Variants in ZNF487 observed in about 807,000 individuals in gnomAD.
ZNF487 encodes zinc finger protein 487, also known as KRAB domain only 1.
Under a neutral mutation model 3.0 loss-of-function variants are expected in ZNF487, and 4 were observed. That is an observed-to-expected ratio of 1.35 (90% CI 0.66 to 3.08). The LOEUF is 3.08. ZNF487 is among the 30% of genes most tolerant of loss of function. The pLI is 0.01. For synonymous variants in ZNF487, 55 were observed against 34.6 expected (o/e 1.59, Z -2.06); for missense variants, 146 against 98.7 (o/e 1.48, Z -2.03).
chr10:43,520,696 A>AT, the ZNF487 span, among the ~76,000 whole-genome samples: 2 of 152,180 alleles, frequency 1.3e-5, no homozygotes, highest in Non-Finnish European at 2.9e-5. Context: ...ATTTATGAAG[A>AT]TTTTTTGGGA....
At chr10:43,459,397 T>A (rs1449029748) in intron 1 of ZNF487, among the ~76,000 whole-genome samples, 5 of 151,988 alleles carry the variant, frequency 3.3e-5, no homozygotes, top group Non-Finnish European at 7.4e-5. Flanking sequence ...ACCTGGCTAG[T>A]TTTTGTACTT....
At chr10:43,519,059 A>G in the ZNF487 span, among the ~76,000 whole-genome samples, 1 of 152,008 alleles carries the variant, frequency 6.6e-6, no homozygotes, top group African/African-American at 2.4e-5. Flanking sequence ...CAAAAATGAA[A>G]CCACTTTAAA....
intron 1 of ZNF487, among the ~76,000 whole-genome samples, chr10:43,442,270 A>ACAACAAC (rs35992450): frequency 3.4e-5 from 5 of 148,632 alleles, no homozygotes; most frequent in African/African-American, 1.0e-4. Context: ...AACAACAACA[A>ACAACAAC]AAAAAAAACA....
chr10:43,439,205 G>GCA (rs1839488126), intron 1 of ZNF487, among the ~76,000 whole-genome samples: 1 of 151,684 alleles, frequency 6.6e-6, no homozygotes, highest in South Asian at 2.1e-4. Context: ...TCACGCCACT[G>GCA]CACTCCAGCC....
intron 3 of ZNF487, among the ~76,000 whole-genome samples, chr10:43,479,019 CAA>C (rs1841206443): frequency 7.2e-6 from 1 of 139,204 alleles, no homozygotes; most frequent in Admixed American, 7.2e-5. Flanking sequence ...CTTAGATAAA[CAA>C]AGAGAAAATT....
intron 1 of ZNF487, among the ~76,000 whole-genome samples, chr10:43,440,691 AC>A (rs1839568512): frequency 2.0e-5 from 3 of 151,402 alleles, no homozygotes; most frequent in Non-Finnish European, 2.9e-5. Flanking sequence ...ACAGAAGACT[AC>A]CCTCATATTT....
chr10:43,511,174 C>T, the ZNF487 span, among the ~76,000 whole-genome samples: 1 of 152,158 alleles, frequency 6.6e-6, no homozygotes, highest in Non-Finnish European at 1.5e-5. Context: ...AGAACTTTGC[C>T]CCAGCCTTGC....
the ZNF487 span, among the ~76,000 whole-genome samples, chr10:43,507,349 G>T: frequency 6.6e-6 from 1 of 152,158 alleles, no homozygotes; most frequent in Non-Finnish European, 1.5e-5. Flanking sequence ...AAGGAAGAAA[G>T]AAGACCACTA....
At chr10:43,477,314 C>T (rs1000545827) in intron 3 of ZNF487, among the ~76,000 whole-genome samples, 1 of 151,678 alleles carries the variant, frequency 6.6e-6, no homozygotes, top group Non-Finnish European at 1.5e-5. Flanking sequence ...CATACCTCAG[C>T]CTCCCTAGTA....
the ZNF487 span, among the ~76,000 whole-genome samples, chr10:43,515,102 A>G: frequency 6.6e-6 from 1 of 152,236 alleles, no homozygotes; most frequent in African/African-American, 2.4e-5. Context: ...ACTCAAATCA[A>G]TAAATTCAGC....
rs750383344 is a variant in ZNF487, at chr10:43,482,958, C to T, written c.*1036C>T. On this transcript the variant is annotated 3_prime_UTR_variant, in exon 4 of 4. Transcript: ENST00000437590. ...GAAAACCTTCTACCAGAAGTCATCC[C>T]TCACAACACATCAGAGAACACACAC... 1.9e-6 allele frequency: 1 copy of T among 524,734 alleles called. No homozygotes were observed. The highest frequency in any genetic ancestry group is 2.0e-5 in the Admixed American group (1 of 50,118). 32.5% of individuals were successfully genotyped at this position (524,734 alleles called of 1,614,324 possible).
At chr10:43,491,419 C>T in the ZNF487 span, among the ~76,000 whole-genome samples, 3 of 151,718 alleles carry the variant, frequency 2.0e-5, no homozygotes, top group African/African-American at 7.3e-5. Flanking sequence ...TTTTGCCTTT[C>T]CTTGGGAGCC....
At chr10:43,493,891 C>T in the ZNF487 span, among the ~76,000 whole-genome samples, 4 of 150,906 alleles carry the variant, frequency 2.7e-5, no homozygotes, top group South Asian at 2.1e-4. Flanking sequence ...ATAGGCCAGG[C>T]GCGTTGGCTC....
At chr10:43,457,210 C>T (rs1840238182) in intron 1 of ZNF487, among the ~76,000 whole-genome samples, 1 of 151,960 alleles carries the variant, frequency 6.6e-6, no homozygotes, top group Non-Finnish European at 1.5e-5. Flanking sequence ...AGAGCCACTG[C>T]ACTCCAGCCT....
rs536499055 is a variant in ZNF487, at chr10:43,478,061, ATACAGT to A, written c.130+1862_130+1867del. On this transcript the variant is annotated intron_variant, in intron 3 of 3. Coordinates refer to ENST00000437590, the MANE Select transcript of ZNF487 (RefSeq NM_001355444.3). The stretch of plus-strand genomic sequence containing the variant: ...CAATCCAGATATTTTAGAAATCATA[ATACAGT>A]TAAAGGGGCTAAACCATCTTATTAA... 1.4e-4 allele frequency among the ~76,000 whole-genome samples: 21 copies of A among 152,296 alleles called. No individual in the cohort carries two copies. The South Asian group carries it at 2.7e-3, about 20-fold the overall frequency.
At chr10:43,512,191 C>A in the ZNF487 span, among the ~76,000 whole-genome samples, 2 of 152,182 alleles carry the variant, frequency 1.3e-5, no homozygotes, top group Non-Finnish European at 2.9e-5. Flanking sequence ...GAACCAGGCC[C>A]TAGTCCTCTT....
At chr10:43,519,687 C>T in the ZNF487 span, among the ~76,000 whole-genome samples, 44 of 152,260 alleles carry the variant, frequency 2.9e-4, no homozygotes, top group South Asian at 4.1e-4. Flanking sequence ...AGGCTGGTCT[C>T]GAACACCTGA....
intron 1 of ZNF487, among the ~76,000 whole-genome samples, chr10:43,470,681 G>A (rs976234807): frequency 2.6e-5 from 4 of 151,038 alleles, no homozygotes; most frequent in South Asian, 2.1e-4. Context: ...CAGCACACCC[G>A]GGCAATTTTT....
downstream of ZNF487, chr10:43,483,250 AC>A (rs1841432358): frequency 2.7e-6 from 1 of 375,866 alleles, no homozygotes; most frequent in African/African-American, 2.1e-5. Flanking sequence ...TCTTGTTGTT[AC>A]TTTTTTGAGA....
Sources: allele counts gnomAD v4.1 joint callset (sites outside exome capture counted in the v4.1 genomes callset), GRCh38; gene constraint gnomAD v4.1.1; transcripts MANE v1.5; gene names NCBI Gene and HGNC (gene_info 2026-07-23, HGNC 2026-07-21).